The following MICALL1 variants were observed in gnomAD, a reference collection of about 807,000 sequenced individuals.
MICALL1 encodes MICAL like 1, also known as MICAL-like protein 1.
Under a neutral mutation model 83.7 loss-of-function variants are expected in MICALL1, and 61 were observed. The observed-to-expected ratio is 0.73, with a 90% CI of 0.59 to 0.90. The LOEUF is 0.90. Ranked by LOEUF, MICALL1 falls within the 40% of genes least tolerant of loss-of-function variation. The pLI is 0.00. For synonymous variants in MICALL1, 481 were observed against 473.6 expected (o/e 1.02, Z -0.20); for missense variants, 1,066 against 1,152.0 (o/e 0.93, Z 1.08).
At chr22:37,918,701 C>T (rs937725688) in intron 4 of MICALL1, among the ~76,000 whole-genome samples, 6 of 152,202 alleles carry the variant, frequency 3.9e-5, no homozygotes, top group Admixed American at 6.5e-5. Flanking sequence ...GGGCAGGAGC[C>T]GCCAAGGGGA....
chr22:37,911,725 G>A (rs766841654), intron 1 of MICALL1, among the ~76,000 whole-genome samples: 9 of 152,102 alleles, frequency 5.9e-5, no homozygotes, highest in Non-Finnish European at 8.8e-5. Flanking sequence ...TCCAGGGCCC[G>A]TGATCTCATG....
At chr22:37,929,702 C>T (rs1390566221) in intron 9 of MICALL1, among the ~76,000 whole-genome samples, 2 of 152,228 alleles carry the variant, frequency 1.3e-5, no homozygotes, top group African/African-American at 2.4e-5. Context: ...TGCCTGGGCT[C>T]AGTACTTTCC....
rs1477557355 is a variant in MICALL1, at chr22:37,930,904, G to C, written c.1882-895G>C. ...TCTGAGCCTCAGAGTCCCCAGCGGG[G>C]AGAGGGTGGTTATGAGGCCTGAATG... On this transcript the variant is annotated intron_variant, in intron 9 of 15. Coordinates refer to ENST00000215957, the MANE Select transcript of MICALL1 (RefSeq NM_033386.4). This position sits in a 1 kb window ranked among gnomAD's most constrained non-coding sequence, Gnocchi z 4.8. Among the ~76,000 whole-genome samples the C allele has an allele frequency of 6.6e-6, 1 of 152,206 alleles. No homozygotes were observed. The highest frequency in any genetic ancestry group is 2.1e-4 in the South Asian group (1 of 4,834).
At chr22:37,918,952 G>A in intron 4 of MICALL1, 84 bp from the exon 5 acceptor site, 1 of 1,406,176 alleles carries the variant, frequency 7.1e-7, no homozygotes, top group South Asian at 1.5e-5. Context: ...GGTGGCCGTT[G>A]GAGGGAGGGA....
At chr22:37,926,183 C>T (rs1929429025) in intron 8 of MICALL1, 140 bp downstream of exon 8, 7 of 1,121,932 alleles carry the variant, frequency 6.2e-6, no homozygotes, top group Non-Finnish European at 8.7e-6. Context: ...AATCCTAGAG[C>T]AAACCTGTGA....
intron 2 of MICALL1, 41 bp downstream of exon 2, chr22:37,912,041 ATGTGTGTGTGTGTG>A: frequency 6.6e-7 from 1 of 1,517,648 alleles, no homozygotes; most frequent in South Asian, 1.1e-5. Flanking sequence ...GGCTCTGTGT[ATGTGTGTGTGTGTG>A]TGTGTGTGTT....
chr22:37,934,760 C>A (rs1929999223), intron 13 of MICALL1, among the ~76,000 whole-genome samples: 1 of 150,928 alleles, frequency 6.6e-6, no homozygotes, highest in Non-Finnish European at 1.5e-5. Context: ...CCACGCCCGG[C>A]TAATTTTTTG....
chr22:37,932,485 C>T lies in MICALL1; in HGVS notation c.2017-68C>T. 1 of 1,593,454 alleles carries T rather than the reference C, an allele frequency of 6.3e-7. No individual in the cohort carries two copies. Among genetic ancestry groups the T allele is most frequent in the South Asian group, 1.1e-5 (1 of 88,270 alleles). On this transcript the variant is annotated intron_variant, in intron 10 of 15. Transcript: ENST00000215957. The surrounding 1 kb of genome is among the most constrained non-coding windows in gnomAD (Gnocchi z 4.4). Reference sequence around the variant, plus strand: ...GGAGCCACCAGTGGCCAATGCTGGCCAGAGAAGAGGGCAAGGCTCCTGGCA... The same window carrying T: ...GGAGCCACCAGTGGCCAATGCTGGCTAGAGAAGAGGGCAAGGCTCCTGGCA...
rs1929298686 is a variant in MICALL1, at chr22:37,924,558, G to GA, written c.1025-100dup. 3.5e-6 allele frequency: 4 copies of GA among 1,142,298 alleles called. No homozygotes were observed. Among genetic ancestry groups the GA allele is most frequent in the Non-Finnish European group, 5.1e-6 (4 of 786,374 alleles). The allele number at this position is 1,142,298 out of a possible 1,614,324, so 70.8% of individuals were successfully genotyped here. On this transcript the variant is annotated intron_variant, in intron 6 of 15. Transcript: ENST00000215957. This position sits in a 1 kb window ranked among gnomAD's most constrained non-coding sequence, Gnocchi z 5.2. ...TGGGGAGGTGCGAGGGTGCCAGGAG[G>GA]AAGGCGGGGCGCTCCTGGGGAGGCA...
At chr22:37,927,216 T>G in intron 8 of MICALL1, 195 bp from the exon 9 acceptor site, 2 of 596,648 alleles carry the variant, frequency 3.4e-6, no homozygotes, top group South Asian at 5.8e-5. Flanking sequence ...CGGGTTGGAC[T>G]CGGGTGGCTG....
In MICALL1 at chr22:37,924,803, C is replaced by T; in HGVS notation, c.1082+86C>T. ...CTCTGGGGCCGGGTAGGGAGAGAGG[C>T]TTCCTGTGGATGGGCAGGGCGGGGC... On this transcript the variant is annotated intron_variant, in intron 7 of 15. Transcript: ENST00000215957. This position sits in a 1 kb window ranked among gnomAD's most constrained non-coding sequence, Gnocchi z 5.2. The T allele has an allele frequency of 7.2e-7, 1 of 1,393,140 alleles. No individual in the cohort carries two copies. Among genetic ancestry groups the T allele is most frequent in the Non-Finnish European group, 1.0e-6 (1 of 999,246 alleles). 86.3% of individuals were successfully genotyped at this position (1,393,140 alleles called of 1,614,324 possible).
Position 37,922,350 on chromosome 22 carries a change from C to A in MICALL1, c.948C>A (p.Pro316=). ...RKASESTTPA[P]PTPRPRSSLQ... Reference sequence around the variant, plus strand: ...CCTCTGAGAGCACCACCCCAGCACCCCCCACGCCCCGGCCCCGCTCCAGTC... The same window carrying A: ...CCTCTGAGAGCACCACCCCAGCACCACCCACGCCCCGGCCCCGCTCCAGTC... The change falls in exon 6 of 16, where the codon CCC becomes CCA. Residue 316 remains proline, a synonymous_variant. Transcript: ENST00000215957. The A allele has an allele frequency of 6.5e-7, 1 of 1,528,746 alleles. No homozygotes were observed. 94.7% of individuals were successfully genotyped at this position (1,528,746 alleles called of 1,614,324 possible). A position where few individuals can be genotyped will look rare whatever the true frequency, so the allele number is the denominator to read the frequency against.
At chr22:37,922,913 C>T (rs1254432339) in intron 6 of MICALL1, among the ~76,000 whole-genome samples, 2 of 145,160 alleles carry the variant, frequency 1.4e-5, no homozygotes, top group African/African-American at 2.5e-5. Flanking sequence ...GCTGGGATTA[C>T]AGGCGTGAGC....
Position 37,937,792 on chromosome 22 carries a change from G to C in MICALL1, c.2470G>C (p.Glu824Gln). 6.2e-7 allele frequency: 1 copy of C among 1,613,486 alleles called. No individual in the cohort carries two copies. The highest frequency in any genetic ancestry group is 8.5e-7 in the Non-Finnish European group (1 of 1,179,566). Residue 824 changes from glutamate (E) to glutamine (Q), a missense_variant and splice_region_variant, in exon 15 of 16, where the codon GAG becomes CAG. Physicochemically the swap from Glu to Gln is conservative, Grantham distance 29. Transcript: ENST00000215957. ...GTTGGAAGCCATGATCAAGAAGAAA[G>C]GTGAGGCCCTTGCTGGGGATGAGGC... Reference protein sequence around the residue: ...KMLEAMIKKKEFQREAEPEGK... With the variant: ...KMLEAMIKKKQFQREAEPEGK...
At chr22:37,916,443 T>C (rs1427216024) in intron 3 of MICALL1, among the ~76,000 whole-genome samples, 1 of 152,216 alleles carries the variant, frequency 6.6e-6, no homozygotes, top group Non-Finnish European at 1.5e-5. Flanking sequence ...GAAACAGTGA[T>C]GTGTTCCAAC....
At chr22:37,919,744 T>A (rs1288690155) in intron 5 of MICALL1, among the ~76,000 whole-genome samples, 2 of 152,044 alleles carry the variant, frequency 1.3e-5, no homozygotes, top group African/African-American at 4.8e-5. Context: ...TCCCAGCACT[T>A]TGGGAGGCCG....
At chr22:37,923,393 A>AT (rs1159993215) in intron 6 of MICALL1, among the ~76,000 whole-genome samples, 1 of 150,566 alleles carries the variant, frequency 6.6e-6, no homozygotes, top group Admixed American at 6.6e-5. Flanking sequence ...TGTCTGGCTA[A>AT]TTTTTGTATT....
In MICALL1 at chr22:37,906,662, AGGCGCCGCCCCCGGACAC is replaced by A. The variant is rs1398570229; in HGVS notation, c.146+97_146+114del. ...AGTAACACGAAGCCCGGGCGGTGAC[AGGCGCCGCCCCCGGACAC>A]GGAGACGCCGACCCCCCCGACGGCC... On this transcript the variant is annotated intron_variant, in intron 1 of 15. Coordinates refer to ENST00000215957, the MANE Select transcript of MICALL1 (RefSeq NM_033386.4). This position sits in a 1 kb window ranked among gnomAD's most constrained non-coding sequence, Gnocchi z 4.4. The A allele has an allele frequency of 9.3e-7, 1 of 1,078,736 alleles. No individual in the cohort carries two copies. Among genetic ancestry groups the A allele is most frequent in the Non-Finnish European group, 1.1e-6 (1 of 879,470 alleles). 66.8% of individuals were successfully genotyped at this position (1,078,736 alleles called of 1,614,324 possible).
At chr22:37,918,864 A>G (rs891158397) in intron 4 of MICALL1, among the ~76,000 whole-genome samples, 172 bp from the exon 5 acceptor site, 5 of 152,346 alleles carry the variant, frequency 3.3e-5, no homozygotes, top group Non-Finnish European at 7.3e-5. Flanking sequence ...AGACAGTGGC[A>G]GCCTCCTGCC....
Sources: allele counts gnomAD v4.1 joint callset (sites outside exome capture counted in the v4.1 genomes callset), GRCh38; gene constraint gnomAD v4.1.1; non-coding constraint Gnocchi (gnomAD v3.1); transcripts MANE v1.5; gene names NCBI Gene and HGNC (gene_info 2026-07-23, HGNC 2026-07-21).